PXMP4: variants seen among roughly 807,000 people sequenced by gnomAD.
The protein encoded by PXMP4 is peroxisomal membrane protein 4.
A neutral mutation model predicts 21.6 loss-of-function variants in PXMP4; 16 were observed. The ratio of observed to expected loss-of-function variants is 0.74; its 90% CI spans 0.50 to 1.13. The LOEUF (loss-of-function observed/expected upper bound fraction) is 1.13. PXMP4 is among the 50% of genes most tolerant of loss of function. The probability of loss-of-function intolerance (pLI) is 0.00; values close to 1 mark genes in which losing one functional copy is unlikely to be tolerated. For missense variants in PXMP4, 240 were observed against 277.7 expected, an observed-to-expected ratio of 0.86 and a Z score of 0.96; for synonymous variants, 127 against 123.8, an observed-to-expected ratio of 1.03 and a Z score of -0.17.
At chr20:33,712,553 G>A (rs1285990186) in intron 2 of PXMP4, among the ~76,000 whole-genome samples, 2 of 152,022 alleles carry the variant, frequency 1.3e-5, no homozygotes, top group Non-Finnish European at 2.9e-5. Context: ...GGGTTTGAGC[G>A]ATTCTCCTGC....
intron 1 of PXMP4, among the ~76,000 whole-genome samples, chr20:33,716,361 T>C (rs1178153305): frequency 2.0e-5 from 3 of 152,118 alleles, no homozygotes; most frequent in African/African-American, 7.2e-5. Context: ...ATCTGACACA[T>C]CAGGTTCTTC....
At chr20:33,716,676 T>C (rs1045043824) in intron 1 of PXMP4, among the ~76,000 whole-genome samples, 7 of 152,176 alleles carry the variant, frequency 4.6e-5, no homozygotes, top group African/African-American at 1.7e-4. Flanking sequence ...CCTAGCATAG[T>C]ACCCCACATG....
At chr20:33,709,621 A>C (rs1208442180) in intron 3 of PXMP4, among the ~76,000 whole-genome samples, 3 of 152,020 alleles carry the variant, frequency 2.0e-5, no homozygotes, top group Non-Finnish European at 4.4e-5. Context: ...TGAGTCACAG[A>C]ACTCAGACAT....
chr20:33,705,608 A>T lies in PXMP4; in HGVS notation c.*2098T>A, dbSNP rs1756793228. 1 of 151,436 alleles carries T rather than the reference A, an allele frequency of 6.6e-6. No homozygotes were observed. The highest frequency in any genetic ancestry group is 1.5e-5 in the Non-Finnish European group (1 of 67,988). 9.4% of individuals were successfully genotyped at this position (151,436 alleles called of 1,614,324 possible). Reference sequence around the variant, plus strand: ...CGAGAGAGCAAGACTCTGTCTCAAAAAAAAAAAAAAAAGAAAAAATCAGAC... The same window carrying T: ...CGAGAGAGCAAGACTCTGTCTCAAATAAAAAAAAAAAAGAAAAAATCAGAC... On this transcript the variant is annotated 3_prime_UTR_variant, in exon 4 of 4. Coordinates refer to ENST00000409299, the MANE Select transcript of PXMP4 (RefSeq NM_007238.5).
At chr20:33,708,985 AG>A (rs967522175) in intron 3 of PXMP4, among the ~76,000 whole-genome samples, 3 of 152,230 alleles carry the variant, frequency 2.0e-5, no homozygotes, top group African/African-American at 7.2e-5. Context: ...CCAACTTTTC[AG>A]GTTTCCAAAG....
chr20:33,703,669 C>G lies in PXMP4; in HGVS notation c.*4037G>C, dbSNP rs899702852. On this transcript the variant is annotated 3_prime_UTR_variant, in exon 4 of 4. Transcript: ENST00000409299. ...TTTGAGGCTCAGCCCTGCTGGGCGGCCCTGGGAGTCAGTGTGGAGCACGCA... is the reference window on the plus strand; with the variant it reads ...TTTGAGGCTCAGCCCTGCTGGGCGGGCCTGGGAGTCAGTGTGGAGCACGCA... The G allele has an allele frequency of 1.3e-5, 2 of 152,404 alleles. No homozygotes were observed. Among genetic ancestry groups the G allele is most frequent in the Non-Finnish European group, 2.9e-5 (2 of 68,172 alleles). The allele number at this position is 152,404 out of a possible 1,614,324, so 9.4% of individuals were successfully genotyped here.
At position 33,720,273 on chromosome 20, in the gene PXMP4, T is replaced by A; in HGVS notation, c.-66A>T. ...CGCACTGACAGCCGGAGGTTCCAGCTGCGCGCCCACAGCCCCTCGGTAGCG... is the reference window on the plus strand; with the variant it reads ...CGCACTGACAGCCGGAGGTTCCAGCAGCGCGCCCACAGCCCCTCGGTAGCG... On this transcript the variant is annotated 5_prime_UTR_variant, in exon 1 of 4. Transcript: ENST00000409299. The A allele has an allele frequency of 7.0e-7, 1 of 1,436,996 alleles. No individual in the cohort carries two copies. The highest frequency in any genetic ancestry group is 2.5e-5 in the East Asian group (1 of 40,064). 89.0% of individuals were successfully genotyped at this position (1,436,996 alleles called of 1,614,324 possible). A position where few individuals can be genotyped will look rare whatever the true frequency, so the allele number is the denominator to read the frequency against.
chr20:33,715,152 G>GT (rs1360997575), intron 1 of PXMP4, among the ~76,000 whole-genome samples: 2 of 151,994 alleles, frequency 1.3e-5, no homozygotes, highest in African/African-American at 4.8e-5. Flanking sequence ...TTTTTTGTTT[G>GT]TTTTTTGAGA....
At position 33,719,139 on chromosome 20, in the gene PXMP4, G is replaced by A. The variant is rs561186600; in HGVS notation, c.113+956C>T. Among the ~76,000 whole-genome samples, 405 of 152,304 alleles carry A rather than the reference G, an allele frequency of 2.7e-3. 1 individual carries two copies. Among genetic ancestry groups the A allele is most frequent in the African/African-American group, 9.2e-3 (381 of 41,548 alleles). ...TCGAACTCCTGACCTCAGATAATCC[G>A]CCTGCCTCGGCCTCCCAAAGTGCTA... On this transcript the variant is annotated intron_variant, in intron 1 of 3. Transcript: ENST00000409299.
At chr20:33,714,938 TCA>T (rs1268880048) in intron 1 of PXMP4, among the ~76,000 whole-genome samples, 6 of 152,220 alleles carry the variant, frequency 3.9e-5, no homozygotes, top group African/African-American at 1.4e-4. Context: ...TCTCTCAGAC[TCA>T]GTTTCCGCAC....
chr20:33,714,378 G>GT (rs2018361835), intron 2 of PXMP4, among the ~76,000 whole-genome samples: 1 of 152,108 alleles, frequency 6.6e-6, no homozygotes, highest in Non-Finnish European at 1.5e-5. Flanking sequence ...AATTAGCCAG[G>GT]TGTGGTGGTG....
rs772041080 is a variant in PXMP4, at chr20:33,707,742, G to A, written c.603C>T (p.Asp201=). 1.2e-6 allele frequency: 2 copies of A among 1,614,176 alleles called. No individual in the cohort carries two copies. Among genetic ancestry groups the A allele is most frequent in the South Asian group, 2.2e-5 (2 of 91,074 alleles). ...GACGGCTCTTGTTATAGACGAGGAA[G>A]TCTGAGATGTCGTGCCATACATTGC... ...EDSNVWHDIS[D]FLVYNKSRPS... The change falls in exon 4 of 4, where the codon GAC becomes GAT. Residue 201 remains aspartate, a synonymous_variant. Transcript: ENST00000409299.
chr20:33,710,572 T>C lies in PXMP4; in HGVS notation c.358A>G (p.Asn120Asp). Residue 120 changes from asparagine (N) to aspartate (D), a missense_variant, in exon 3 of 4, where the codon AAT (asparagine) becomes GAT (aspartate). Transcript: ENST00000409299. ...LGGILVFGEN[N>D]NINSQINMYL... ...ATCTTTACCTGGCTGTTGATGTTATTGTTTTCTCCAAACACCAGGATACCC... is the reference window on the plus strand; with the variant it reads ...ATCTTTACCTGGCTGTTGATGTTATCGTTTTCTCCAAACACCAGGATACCC... The C allele has an allele frequency of 6.2e-7, 1 of 1,608,820 alleles. No individual in the cohort carries two copies. Among genetic ancestry groups the C allele is most frequent in the South Asian group, 1.1e-5 (1 of 90,956 alleles).
chr20:33,709,287 A>G (rs2018296550), intron 3 of PXMP4, among the ~76,000 whole-genome samples: 1 of 152,182 alleles, frequency 6.6e-6, no homozygotes, highest in South Asian at 2.1e-4. Flanking sequence ...ACAGAGTAAG[A>G]CTGTCTCAAC....
chr20:33,711,330 C>T (rs1389231892), intron 2 of PXMP4, among the ~76,000 whole-genome samples: 2 of 152,084 alleles, frequency 1.3e-5, no homozygotes, highest in Non-Finnish European at 2.9e-5. Context: ...CTGGGATCTT[C>T]CCGATGAGGA....
chr20:33,710,851 G>T, intron 2 of PXMP4, 98 bp from the exon 3 acceptor site: 1 of 1,212,374 alleles, frequency 8.2e-7, no homozygotes, highest in Non-Finnish European at 1.1e-6. Context: ...AAGGAGCTCG[G>T]AGTAATGCTC....
At position 33,720,051 on chromosome 20, in the gene PXMP4, C is replaced by G. The variant is rs577245225; in HGVS notation, c.113+44G>C. ...TCGAACTCGCGCCTCTGACCCCAGG[C>G]AGGACATCCCTCAGCCCCAGCCCGG... On this transcript the variant is annotated intron_variant, in intron 1 of 3. Coordinates refer to ENST00000409299, the MANE Select transcript of PXMP4 (RefSeq NM_007238.5). 3 of 1,581,892 alleles carry G rather than the reference C, an allele frequency of 1.9e-6. No individual in the cohort carries two copies. In the South Asian group the frequency reaches 3.3e-5, roughly 18 times the overall value.
intron 3 of PXMP4, among the ~76,000 whole-genome samples, chr20:33,709,320 C>T (rs1403453790): frequency 1.3e-5 from 2 of 152,110 alleles, no homozygotes; most frequent in Non-Finnish European, 2.9e-5. Context: ...GAACAAAAAC[C>T]CAACGACTAG....
chr20:33,711,739 C>T (rs2018328000), intron 2 of PXMP4, among the ~76,000 whole-genome samples: 1 of 152,046 alleles, frequency 6.6e-6, no homozygotes, highest in South Asian at 2.1e-4. Flanking sequence ...CACCTGTCAT[C>T]CCAGCACTTC....
Sources: gnomAD v4.1 joint callset for allele counts (sites outside exome capture counted in the v4.1 genomes callset) on GRCh38, gnomAD v4.1.1 for gene constraint, MANE v1.5 for transcripts, NCBI Gene and HGNC (gene_info 2026-07-23, HGNC 2026-07-21) for gene names.